The following LRMDA variants were observed in gnomAD, a reference collection of about 807,000 sequenced individuals.
LRMDA encodes leucine-rich melanocyte differentiation-associated protein.
A neutral mutation model predicts 29.8 loss-of-function variants in LRMDA; 18 were observed. That is an observed-to-expected ratio of 0.60 (90% CI 0.42 to 0.90). The LOEUF is 0.90. Ranked by LOEUF, LRMDA falls within the 40% of genes least tolerant of loss-of-function variation. LRMDA has a pLI of 0.00. For synonymous variants in LRMDA, 125 were observed against 109.4 expected (o/e 1.14, Z -0.89); for missense variants, 273 against 273.9 (o/e 1.00, Z 0.02).
At chr10:76,341,336 T>A (rs1841038847) in intron 6 of LRMDA, among the ~76,000 whole-genome samples, 1 of 152,154 alleles carries the variant, frequency 6.6e-6, no homozygotes, top group Admixed American at 6.5e-5. Context: ...ATACTAGTCT[T>A]AGGGGATTCT....
chr10:75,695,395 GT>G lies in LRMDA; in HGVS notation c.131+256911del, dbSNP rs35909970. Among the ~76,000 whole-genome samples the G allele has an allele frequency of 2.8e-3, 419 of 147,490 alleles. 2 individuals are homozygous for G. Among genetic ancestry groups the G allele is most frequent in the East Asian group, 0.019 (98 of 5,046 alleles). On this transcript the variant is annotated intron_variant, in intron 2 of 6. Coordinates refer to ENST00000611255, the MANE Select transcript of LRMDA (RefSeq NM_001305581.2). Reference sequence around the variant, plus strand: ...AAAAATTGTAGATTAAAAAAAACTAGTTTTTTTTTTGCTTCTTAAATCTCAT... The same window carrying G: ...AAAAATTGTAGATTAAAAAAAACTAGTTTTTTTTTGCTTCTTAAATCTCAT...
At chr10:75,763,894 C>A (rs1199371028) in intron 2 of LRMDA, among the ~76,000 whole-genome samples, 1 of 152,062 alleles carries the variant, frequency 6.6e-6, no homozygotes, top group Non-Finnish European at 1.5e-5. Context: ...CTCTCTCTAG[C>A]TGAATGATGC....
At chr10:75,794,175 G>A (rs776027094) in intron 2 of LRMDA, among the ~76,000 whole-genome samples, 7 of 152,050 alleles carry the variant, frequency 4.6e-5, no homozygotes, top group Non-Finnish European at 1.0e-4. Flanking sequence ...TTTAAATACA[G>A]GTAAAATTTA....
intron 2 of LRMDA, among the ~76,000 whole-genome samples, chr10:75,890,831 G>A (rs1845474466): frequency 2.0e-5 from 3 of 151,224 alleles, no homozygotes; most frequent in Admixed American, 2.0e-4. Context: ...ATGGCTGGGT[G>A]TGGTGGTTCA....
At chr10:76,406,851 C>G (rs1218258763) in intron 6 of LRMDA, among the ~76,000 whole-genome samples, 1 of 152,066 alleles carries the variant, frequency 6.6e-6, no homozygotes, top group African/African-American at 2.4e-5. Context: ...GGTCTTTGAT[C>G]CTACTCATAT....
chr10:76,187,862 A>T (rs572463231), intron 5 of LRMDA, among the ~76,000 whole-genome samples: 59 of 151,816 alleles, frequency 3.9e-4, no homozygotes, highest in Non-Finnish European at 5.7e-4. Context: ...AAGGCATTCA[A>T]TTTTTTTTTA....
intron 2 of LRMDA, among the ~76,000 whole-genome samples, chr10:75,857,369 A>G (rs1418780742): frequency 6.6e-6 from 1 of 152,180 alleles, no homozygotes; most frequent in African/African-American, 2.4e-5. Flanking sequence ...AGAGAGAAAA[A>G]TCATCCTCTC....
chr10:75,945,974 T>C (rs1846469277), intron 2 of LRMDA, among the ~76,000 whole-genome samples: 1 of 152,196 alleles, frequency 6.6e-6, no homozygotes, highest in East Asian at 1.9e-4. Context: ...GCTATATATC[T>C]CTTTTGTTAG....
chr10:75,620,304 C>T (rs1220752986), intron 2 of LRMDA, among the ~76,000 whole-genome samples: 1 of 152,174 alleles, frequency 6.6e-6, no homozygotes, highest in African/African-American at 2.4e-5. Context: ...TATGCAAAAA[C>T]TGAACACACT....
At chr10:76,208,980 C>T (rs1851587221) in intron 5 of LRMDA, among the ~76,000 whole-genome samples, 1 of 151,974 alleles carries the variant, frequency 6.6e-6, no homozygotes, top group Non-Finnish European at 1.5e-5. Context: ...GTGGTGAAAC[C>T]TTGTCTCTAC....
intron 6 of LRMDA, among the ~76,000 whole-genome samples, chr10:76,421,000 T>C (rs1842066380): frequency 6.6e-6 from 1 of 152,192 alleles, no homozygotes; most frequent in Non-Finnish European, 1.5e-5. Flanking sequence ...TGCAGTATTC[T>C]TCATTTGCGT....
Position 75,756,235 on chromosome 10 carries a change from T to G in LRMDA, c.132-279773T>G, listed in dbSNP as rs1337829837. On this transcript the variant is annotated intron_variant, in intron 2 of 6. Coordinates refer to ENST00000611255, the MANE Select transcript of LRMDA (RefSeq NM_001305581.2). Reference sequence around the variant, plus strand: ...TGTTTCCTTGCAACTAGGAGCTAGGTGTAGCCACGCAGCTAAGTCAAAGTA... The same window carrying G: ...TGTTTCCTTGCAACTAGGAGCTAGGGGTAGCCACGCAGCTAAGTCAAAGTA... 1.1e-4 allele frequency among the ~76,000 whole-genome samples: 16 copies of G among 152,204 alleles called. 1 individual carries two copies. Among genetic ancestry groups the G allele is most frequent in the Admixed American group, 9.8e-4 (15 of 15,286 alleles).
intron 2 of LRMDA, among the ~76,000 whole-genome samples, chr10:75,511,192 A>G (rs1263078898): frequency 1.3e-5 from 2 of 152,070 alleles, no homozygotes; most frequent in Non-Finnish European, 2.9e-5. Context: ...AAAATTAGCC[A>G]TGTGTGGTGG....
chr10:75,690,978 AATAT>A (rs1222064606), intron 2 of LRMDA, among the ~76,000 whole-genome samples: 36 of 91,448 alleles, frequency 3.9e-4, no homozygotes, highest in East Asian at 7.4e-4. Flanking sequence ...TTAAAAAAAA[AATAT>A]ATATATATAT....
At chr10:75,617,979 C>G (rs966543597) in intron 2 of LRMDA, among the ~76,000 whole-genome samples, 1 of 152,176 alleles carries the variant, frequency 6.6e-6, no homozygotes, top group Non-Finnish European at 1.5e-5. Context: ...AAACATCTTT[C>G]CTCTCTCCTA....
chr10:75,626,379 T>G (rs1650867511), intron 2 of LRMDA, among the ~76,000 whole-genome samples: 1 of 151,974 alleles, frequency 6.6e-6, no homozygotes, highest in South Asian at 2.1e-4. Flanking sequence ...TGGTCAGGGG[T>G]AGGGGGCAAA....
intron 2 of LRMDA, among the ~76,000 whole-genome samples, chr10:75,950,682 G>A (rs1846559467): frequency 6.6e-6 from 1 of 152,080 alleles, no homozygotes; most frequent in Non-Finnish European, 1.5e-5. Context: ...AATACTTTTT[G>A]TGCACACCTA....
chr10:76,300,471 A>G (rs1197466328), intron 5 of LRMDA, among the ~76,000 whole-genome samples: 1 of 152,174 alleles, frequency 6.6e-6, no homozygotes. Flanking sequence ...ATGCCTGGGG[A>G]AGGCCCTTTA....
At chr10:75,828,663 C>T (rs531951181) in intron 2 of LRMDA, among the ~76,000 whole-genome samples, 2 of 152,226 alleles carry the variant, frequency 1.3e-5, no homozygotes, top group South Asian at 2.1e-4. Flanking sequence ...ACTCTTATGA[C>T]GCTGCACACA....
Sources: gnomAD v4.1 joint callset for allele counts (sites outside exome capture counted in the v4.1 genomes callset) on GRCh38, gnomAD v4.1.1 for gene constraint, MANE v1.5 for transcripts, NCBI Gene and HGNC (gene_info 2026-07-23, HGNC 2026-07-21) for gene names.